The following NCALD variants were observed in gnomAD, a reference collection of about 807,000 sequenced individuals.
NCALD encodes the protein neurocalcin delta.
A neutral mutation model predicts 18.6 loss-of-function variants in NCALD; 10 were observed. The ratio of observed to expected loss-of-function variants is 0.54; its 90% confidence interval spans 0.33 to 0.91. NCALD has a LOEUF of 0.91. Among genes scored for constraint, NCALD ranks in the 40% least tolerant of loss-of-function variants. NCALD has a pLI of 0.03. For synonymous variants in NCALD, 88 were observed against 87.4 expected (o/e 1.01, Z -0.04); for missense variants, 184 against 247.6 (o/e 0.74, Z 1.72).
At chr8:101,792,398 C>T (rs1198989220), upstream of NCALD, among the ~76,000 whole-genome samples, 4 of 152,168 alleles carry the variant, frequency 2.6e-5, no homozygotes, top group African/African-American at 9.6e-5. Context: ...TCTGTCCCAG[C>T]CCCAATTGGG....
At chr8:101,946,476 G>A (rs976362844) in intron 2 of NCALD, among the ~76,000 whole-genome samples, 3 of 152,082 alleles carry the variant, frequency 2.0e-5, no homozygotes, top group Non-Finnish European at 4.4e-5. Context: ...TATAAATGGA[G>A]CTCAATTTTT....
At chr8:101,829,693 T>A (rs965736787) in intron 4 of NCALD, among the ~76,000 whole-genome samples, 13 of 152,256 alleles carry the variant, frequency 8.5e-5, no homozygotes, top group Non-Finnish European at 1.6e-4. Context: ...TTTAAAGTAG[T>A]TTTTTAGGTT....
intron 1 of NCALD, among the ~76,000 whole-genome samples, chr8:102,028,252 G>A (rs934846526): frequency 1.3e-5 from 2 of 152,282 alleles, no homozygotes; most frequent in East Asian, 3.9e-4. Context: ...ACAAACTTGA[G>A]TCTATGTGTA....
intron 1 of NCALD, among the ~76,000 whole-genome samples, chr8:102,101,061 T>A (rs6995106): frequency 0.11 from 17,369 of 152,254 alleles, 1,835 homozygotes; most frequent in African/African-American, 0.27. Context: ...AGTTTATGTT[T>A]TGCATATTTT....
At chr8:102,094,806 T>C (rs1392003686) in intron 1 of NCALD, among the ~76,000 whole-genome samples, 4 of 152,148 alleles carry the variant, frequency 2.6e-5, no homozygotes, top group African/African-American at 9.7e-5. Flanking sequence ...CATACAGAGA[T>C]AAGAATGTCA....
At chr8:101,798,387 T>A (rs969132397) in intron 4 of NCALD, among the ~76,000 whole-genome samples, 2 of 152,202 alleles carry the variant, frequency 1.3e-5, no homozygotes, top group Admixed American at 6.5e-5. Context: ...AGAGACTGAA[T>A]TTTAAAATAC....
chr8:101,696,797 G>A (rs1815013932), intron 2 of NCALD, among the ~76,000 whole-genome samples: 1 of 149,986 alleles, frequency 6.7e-6, no homozygotes, highest in African/African-American at 2.4e-5. Context: ...GACAGCTAAA[G>A]CTGTGTTAAG....
chr8:101,877,781 T>C (rs568637780), intron 4 of NCALD, among the ~76,000 whole-genome samples: 1 of 152,280 alleles, frequency 6.6e-6, no homozygotes. Flanking sequence ...TAAGTTGATA[T>C]ATATAAAGTA....
intron 2 of NCALD, among the ~76,000 whole-genome samples, chr8:101,944,648 T>C (rs1819098743): frequency 1.3e-5 from 2 of 152,188 alleles, no homozygotes; most frequent in Non-Finnish European, 2.9e-5. Flanking sequence ...TTGGAGACCA[T>C]GCAGGAGATG....
At chr8:101,803,040 G>A (rs1812929593) in intron 4 of NCALD, among the ~76,000 whole-genome samples, 1 of 152,046 alleles carries the variant, frequency 6.6e-6, no homozygotes, top group South Asian at 2.1e-4. Flanking sequence ...GGATGAAATC[G>A]CCTCTGATTG....
intron 4 of NCALD, among the ~76,000 whole-genome samples, chr8:101,814,143 TC>T (rs888824743): frequency 6.6e-6 from 1 of 151,980 alleles, no homozygotes; most frequent in African/African-American, 2.4e-5. Flanking sequence ...AAAGCAGACT[TC>T]CTAACTCATT....
intron 4 of NCALD, among the ~76,000 whole-genome samples, chr8:101,810,968 G>GA (rs538498069): frequency 2.6e-5 from 4 of 151,560 alleles, no homozygotes; most frequent in Non-Finnish European, 5.9e-5. Context: ...ATCAATTTCA[G>GA]AAAAAAAATG....
chr8:101,874,015 A>T (rs919419251), intron 4 of NCALD, among the ~76,000 whole-genome samples: 6 of 152,256 alleles, frequency 3.9e-5, no homozygotes, highest in Non-Finnish European at 5.9e-5. Context: ...TAGTAGCAGA[A>T]CTAGAACTTA....
At position 101,848,499 on chromosome 8, in the gene NCALD, C is replaced by T. The variant is rs550520342; in HGVS notation, c.-20+38642G>A. On this transcript the variant is annotated intron_variant, in intron 4 of 6. Coordinates refer to the NCALD transcript ENST00000311028. ...TCCATATCCAAGATGCTTTCCAGAC[C>T]TAAAAGTGTTTGATACTAATTTTAG... is the stretch of plus-strand genomic sequence containing the variant. 2.6e-5 allele frequency among the ~76,000 whole-genome samples: 4 copies of T among 152,112 alleles called. No homozygotes were observed. The South Asian group carries it at 8.3e-4, about 32-fold the overall frequency.
At chr8:101,799,065 C>G (rs1247583950) in intron 4 of NCALD, among the ~76,000 whole-genome samples, 2 of 152,104 alleles carry the variant, frequency 1.3e-5, no homozygotes, top group Non-Finnish European at 2.9e-5. Flanking sequence ...ACAAAGGACT[C>G]ATATCTAGGA....
chr8:102,087,100 GC>G (rs1160276776), intron 1 of NCALD, among the ~76,000 whole-genome samples: 11 of 152,184 alleles, frequency 7.2e-5, no homozygotes, highest in Non-Finnish European at 1.6e-4. Context: ...CTATGGAGTA[GC>G]CATTCTTCAT....
chr8:101,982,840 C>CA (rs34445002), intron 2 of NCALD, among the ~76,000 whole-genome samples: 1,827 of 112,294 alleles, frequency 0.016, 19 homozygotes, highest in Non-Finnish European at 0.026. Flanking sequence ...GACCCCATCT[C>CA]AAAAAAAAAA....
In NCALD at chr8:101,692,782, G is replaced by A. The variant is rs1453716449; in HGVS notation, c.484+9C>T. On this transcript the variant is annotated intron_variant, in intron 3 of 3. Transcript: ENST00000220931. ...ATCTGAGCAAAGCAGTGTAGCCCCC[G>A]CCTCCTACCGTCTCTATTGGTGTCC... The A allele has an allele frequency of 1.8e-5, 29 of 1,604,834 alleles. No homozygotes were observed. The Admixed American group carries it at 2.8e-4, about 16-fold the overall frequency.
At chr8:101,968,473 CAT>C (rs1216685070) in intron 2 of NCALD, among the ~76,000 whole-genome samples, 1 of 152,154 alleles carries the variant, frequency 6.6e-6, no homozygotes, top group African/African-American at 2.4e-5. Flanking sequence ...AACAAAAACT[CAT>C]AAACTCATCT....
Sources: allele counts gnomAD v4.1 joint callset (sites outside exome capture counted in the v4.1 genomes callset), GRCh38; gene constraint gnomAD v4.1.1; transcripts MANE v1.5; gene names NCBI Gene and HGNC (gene_info 2026-07-23, HGNC 2026-07-21).